Variants in ZC3H14 observed in about 807,000 individuals in gnomAD.
The protein encoded by ZC3H14 is zinc finger CCCH-type containing 14.
In ZC3H14, 31 loss-of-function variants were observed where a neutral mutation model predicts 92.4. That is an observed-to-expected ratio of 0.34 (90% CI 0.25 to 0.45). ZC3H14 has a LOEUF of 0.45. Among genes scored for constraint, ZC3H14 ranks in the 20% least tolerant of loss-of-function variants. The probability of loss-of-function intolerance (pLI) is 1.00; values close to 1 mark genes in which losing one functional copy is unlikely to be tolerated. For missense variants in ZC3H14, 781 were observed against 897.3 expected, an observed-to-expected ratio of 0.87 and a Z score of 1.66; for synonymous variants, 321 against 300.9, an observed-to-expected ratio of 1.07 and a Z score of -0.69.
chr14:88,594,800 C>G (rs201894656), intron 9 of ZC3H14: 4 of 1,613,924 alleles, frequency 2.5e-6, no homozygotes, highest in Non-Finnish European at 3.4e-6. Context: ...GACTTAGGTT[C>G]CATAACAAGC....
rs776125031 is a variant in ZC3H14, at chr14:88,618,743, C to T, written c.*6992C>T. 17 of 1,605,766 alleles carry T rather than the reference C, an allele frequency of 1.1e-5. No individual in the cohort carries two copies. The highest frequency in any genetic ancestry group is 1.6e-4 in the Middle Eastern group (1 of 6,066). On this transcript the variant is annotated 3_prime_UTR_variant, in exon 17 of 17. Transcript: ENST00000251038. Reference sequence around the variant, plus strand: ...TGATTCTGTTAAGAGTGGGGCCCAGCGTTAGGTCATAAAAATCCACTGAGT... The same window carrying T: ...TGATTCTGTTAAGAGTGGGGCCCAGTGTTAGGTCATAAAAATCCACTGAGT...
intron 12 of ZC3H14, among the ~76,000 whole-genome samples, chr14:88,604,275 A>G (rs34947405): frequency 0.18 from 27,751 of 152,126 alleles, 3,051 homozygotes; most frequent in East Asian, 0.46. Context: ...TGCTGTGGCC[A>G]TTGTGCTGAC....
intron 6 of ZC3H14, among the ~76,000 whole-genome samples, chr14:88,573,933 A>G (rs1353622212): frequency 6.6e-6 from 1 of 152,088 alleles, no homozygotes; most frequent in Non-Finnish European, 1.5e-5. Context: ...TTATTTTTAA[A>G]TTGTTTTATC....
At chr14:88,571,935 G>C in intron 4 of ZC3H14, 95 bp from the exon 5 acceptor site, 1 of 1,059,190 alleles carries the variant, frequency 9.4e-7, no homozygotes. Context: ...CTGCCCTCCA[G>C]CCTGGCGACA....
intron 9 of ZC3H14, among the ~76,000 whole-genome samples, chr14:88,580,351 G>A (rs1052584578): frequency 3.3e-5 from 5 of 152,148 alleles, no homozygotes; most frequent in South Asian, 2.1e-4. Context: ...GAATTAGTGC[G>A]TCTTAATAAA....
intron 9 of ZC3H14, among the ~76,000 whole-genome samples, chr14:88,580,695 A>G (rs969803994): frequency 2.0e-5 from 3 of 152,232 alleles, no homozygotes; most frequent in African/African-American, 7.2e-5. Context: ...CATGAAGTGA[A>G]AACATGTTTG....
intron 6 of ZC3H14, among the ~76,000 whole-genome samples, 183 bp downstream of exon 6, chr14:88,573,190 C>T (rs1009642542): frequency 2.0e-5 from 3 of 151,928 alleles, no homozygotes; most frequent in Non-Finnish European, 4.4e-5. Flanking sequence ...ACCATCCTGG[C>T]TAACACGGTG....
chr14:88,563,235 CGG>C, intron 1 of ZC3H14, 66 bp downstream of exon 1: 1 of 1,566,044 alleles, frequency 6.4e-7, no homozygotes. Flanking sequence ...TCAGGAGTAA[CGG>C]GGACTGTGGG....
At chr14:88,601,601 GT>G (rs1465508818) in intron 10 of ZC3H14, among the ~76,000 whole-genome samples, 1 of 152,106 alleles carries the variant, frequency 6.6e-6, no homozygotes, top group Non-Finnish European at 1.5e-5. Flanking sequence ...AATTCTCCAG[GT>G]TTTTAGAAAA....
At position 88,594,293 on chromosome 14, in the gene ZC3H14, C is replaced by T. The variant is rs113582313; in HGVS notation, c.1280-2441C>T. On this transcript the variant is annotated intron_variant, in intron 9 of 16. Transcript: ENST00000251038. ...TTATATTGCTTAACCTATAAAGTAG[C>T]GCTTCAGTGCTCTCATCATATGAAG... 1,615 of 486,278 alleles carry T rather than the reference C, an allele frequency of 3.3e-3. 20 individuals carry two copies. The highest frequency in any genetic ancestry group is 0.03 in the African/African-American group (1,406 of 47,422). 30.1% of individuals were successfully genotyped at this position (486,278 alleles called of 1,614,324 possible).
At chr14:88,567,989 A>G in intron 2 of ZC3H14, 50 bp from the exon 3 acceptor site, 1 of 1,472,696 alleles carries the variant, frequency 6.8e-7, no homozygotes, top group South Asian at 1.2e-5. Flanking sequence ...CAACTTTAAG[A>G]AGAAAGTTTT....
At chr14:88,581,096 C>T (rs1351746712) in intron 9 of ZC3H14, among the ~76,000 whole-genome samples, 1 of 152,176 alleles carries the variant, frequency 6.6e-6, no homozygotes, top group African/African-American at 2.4e-5. Context: ...AAGTAAAAGC[C>T]TGTTGTCCTG....
At chr14:88,573,085 AAC>A (rs1457038644) in intron 6 of ZC3H14, 78 bp downstream of exon 6, 10 of 1,518,236 alleles carry the variant, frequency 6.6e-6, no homozygotes, top group African/African-American at 2.7e-5. Flanking sequence ...GAAGTAACTA[AAC>A]ACATATTCCA....
intron 10 of ZC3H14, among the ~76,000 whole-genome samples, chr14:88,601,547 T>TTCCTC (rs2084648218): frequency 2.0e-5 from 3 of 152,234 alleles, no homozygotes; most frequent in Non-Finnish European, 2.9e-5. Flanking sequence ...GGAAAAGTGG[T>TTCCTC]TCAGCAGTCT....
At position 88,580,839 on chromosome 14, in the gene ZC3H14, A is replaced by G. The variant is rs367698114; in HGVS notation, c.1279+2699A>G. Among the ~76,000 whole-genome samples, 6 of 152,262 alleles carry G rather than the reference A, an allele frequency of 3.9e-5. No homozygotes were observed. The East Asian group carries it at 9.6e-4, about 24-fold the overall frequency. On this transcript the variant is annotated intron_variant, in intron 9 of 16. Coordinates refer to ENST00000251038, the MANE Select transcript of ZC3H14 (RefSeq NM_024824.5). ...TTGGACATTCAGGCAAAAGGGGCAC[A>G]TGACTTAGAAGAAAAGGAAAGGTAG... is the stretch of plus-strand genomic sequence containing the variant.
Position 88,620,570 on chromosome 14 carries a change from G to T in ZC3H14, c.*8819G>T. 1 of 475,476 alleles carries T rather than the reference G, an allele frequency of 2.1e-6. No homozygotes were observed. The highest frequency in any genetic ancestry group is 4.0e-5 in the Admixed American group (1 of 25,002). The allele number at this position is 475,476 out of a possible 1,614,324, so 29.5% of individuals were successfully genotyped here. ...TTGCTATTATAGTTGGTGCCCAGTG[G>T]GTTTATAATTTAGCAAGAAGAATTA... On this transcript the variant is annotated 3_prime_UTR_variant, in exon 17 of 17. Transcript: ENST00000251038. The surrounding 1 kb of genome is among the most constrained non-coding windows in gnomAD (Gnocchi z 4.3).
intron 8 of ZC3H14, 145 bp from the exon 9 acceptor site, chr14:88,577,840 A>T: frequency 2.0e-6 from 2 of 1,014,808 alleles, no homozygotes; most frequent in Non-Finnish European, 1.5e-6. Flanking sequence ...AAGTGCTGAG[A>T]TTACAGGCAT....
chr14:88,593,331 C>T lies in ZC3H14; in HGVS notation c.1280-3403C>T, dbSNP rs543982247. Among the ~76,000 whole-genome samples the T allele has an allele frequency of 3.9e-5, 6 of 152,258 alleles. No individual in the cohort carries two copies. In the South Asian group the frequency reaches 1.2e-3, roughly 32 times the overall value. On this transcript the variant is annotated intron_variant, in intron 9 of 16. Transcript: ENST00000251038. ...GTTGATCTATGGATTCAACTCAATC[C>T]CTGTTTAAACCCCAAATTGCTTTTT...
At chr14:88,595,557 T>G (rs1566953072) in intron 9 of ZC3H14, among the ~76,000 whole-genome samples, 3 of 152,226 alleles carry the variant, frequency 2.0e-5, no homozygotes, top group South Asian at 4.1e-4. Context: ...CTAAGTGTCA[T>G]CTTCGTTACA....
Sources: allele counts gnomAD v4.1 joint callset (sites outside exome capture counted in the v4.1 genomes callset), GRCh38; gene constraint gnomAD v4.1.1; non-coding constraint Gnocchi (gnomAD v3.1); transcripts MANE v1.5; gene names NCBI Gene and HGNC (gene_info 2026-07-23, HGNC 2026-07-21).